The following HIP1 variants were observed in gnomAD, a reference collection of about 807,000 sequenced individuals.
The protein encoded by HIP1 is huntingtin interacting protein 1, also known as huntingtin-interacting protein 1.
In HIP1, 65 loss-of-function variants were observed where a neutral mutation model predicts 147.6. The ratio of observed to expected loss-of-function variants is 0.44; its 90% CI spans 0.36 to 0.54. The LOEUF (loss-of-function observed/expected upper bound fraction) is 0.54, where lower values mean the gene tolerates loss of function less well. Ranked by LOEUF, HIP1 falls within the 20% of genes least tolerant of loss-of-function variation. The pLI, the probability that HIP1 is intolerant of heterozygous loss-of-function variation, is 0.00. For synonymous variants in HIP1, 479 were observed against 504.0 expected (o/e 0.95, Z 0.67); for missense variants, 1,061 against 1,299.6 (o/e 0.82, Z 2.82).
At chr7:75,639,338 G>T (rs1554510114) in intron 1 of HIP1, 2 of 333,254 alleles carry the variant, frequency 6.0e-6, no homozygotes, top group Non-Finnish European at 4.3e-6. Context: ...CGGCCCCGCC[G>T]GCAGAGACCG....
chr7:75,706,528 T>C (rs1554519764), intron 1 of HIP1, among the ~76,000 whole-genome samples: 1 of 146,544 alleles, frequency 6.8e-6, no homozygotes, highest in Non-Finnish European at 1.5e-5. Flanking sequence ...TTTATTTTAT[T>C]ATACTTCAAG....
At chr7:75,675,101 T>C (rs1799851765) in intron 1 of HIP1, among the ~76,000 whole-genome samples, 1 of 152,148 alleles carries the variant, frequency 6.6e-6, no homozygotes, top group South Asian at 2.1e-4. Flanking sequence ...CCGCAGGTCA[T>C]TAATCTTCAT....
intron 14 of HIP1, among the ~76,000 whole-genome samples, chr7:75,559,221 C>T (rs587764063): frequency 9.9e-5 from 15 of 152,212 alleles, no homozygotes; most frequent in African/African-American, 3.4e-4. Context: ...CTCAAGCGAT[C>T]CTCCTGTCTC....
chr7:75,537,754 A>AAAAG lies in HIP1; in HGVS notation c.*414_*417dup, dbSNP rs1254391830. The AAAAG allele has an allele frequency of 3.9e-6, 1 of 257,796 alleles. No homozygotes were observed. Among genetic ancestry groups the AAAAG allele is most frequent in the Non-Finnish European group, 7.5e-6 (1 of 133,324 alleles). 16.0% of individuals were successfully genotyped at this position (257,796 alleles called of 1,614,324 possible). On this transcript the variant is annotated 3_prime_UTR_variant, in exon 31 of 31. Transcript: ENST00000336926. The stretch of plus-strand genomic sequence containing the variant: ...AAAGACTGAGAAGAAAACAGAAAAG[A>AAAAG]AAAGGCATAAGATCTTCCCTTTCCA...
At chr7:75,725,091 T>C (rs1202865968) in intron 1 of HIP1, among the ~76,000 whole-genome samples, 1 of 152,026 alleles carries the variant, frequency 6.6e-6, no homozygotes, top group Non-Finnish European at 1.5e-5. Context: ...GGTGGTGCCA[T>C]CATAGCTCAC....
intron 1 of HIP1, among the ~76,000 whole-genome samples, chr7:75,720,406 C>A (rs1554521156): frequency 6.6e-6 from 1 of 151,944 alleles, no homozygotes; most frequent in Non-Finnish European, 1.5e-5. Context: ...AGTGATCTGC[C>A]CGCGTTGGCC....
In HIP1 at chr7:75,556,725, C is replaced by T. The variant is rs782733090; in HGVS notation, c.1668G>A (p.Leu556=). Reference sequence around the variant, plus strand: ...AGGTATTTACCTGGGCAGAAGTTTCCAGGCTGCCTTGCAGAACCTGAAGCT... The same window carrying T: ...AGGTATTTACCTGGGCAGAAGTTTCTAGGCTGCCTTGCAGAACCTGAAGCT... ...QRELQVLQGS[L]ETSAQSEANW... Residue 556 remains leucine, a synonymous_variant, in exon 17 of 31, where the codon CTG becomes CTA. Transcript: ENST00000336926. 3.7e-6 allele frequency: 6 copies of T among 1,610,980 alleles called. No homozygotes were observed. The highest frequency in any genetic ancestry group is 5.1e-6 in the Non-Finnish European group (6 of 1,177,486).
chr7:75,661,011 G>T (rs1437223140), intron 1 of HIP1, among the ~76,000 whole-genome samples: 7 of 152,126 alleles, frequency 4.6e-5, no homozygotes, highest in Admixed American at 4.6e-4. Flanking sequence ...CGGCGTGGTG[G>T]CTCACGCCTG....
At chr7:75,623,658 G>A (rs1239321232) in intron 1 of HIP1, among the ~76,000 whole-genome samples, 1 of 152,214 alleles carries the variant, frequency 6.6e-6, no homozygotes, top group Non-Finnish European at 1.5e-5. Context: ...AGTGGCACTT[G>A]GAGAAAGGAA....
At chr7:75,674,397 T>C (rs1221257716) in intron 1 of HIP1, among the ~76,000 whole-genome samples, 3 of 152,226 alleles carry the variant, frequency 2.0e-5, no homozygotes, top group Non-Finnish European at 4.4e-5. Flanking sequence ...CACTCATTTT[T>C]GAAGGATAGT....
At position 75,719,726 on chromosome 7, in the gene HIP1, G is replaced by A. The variant is rs572592784; in HGVS notation, c.120+19075C>T. On this transcript the variant is annotated intron_variant, in intron 1 of 30. Coordinates refer to ENST00000336926, the MANE Select transcript of HIP1 (RefSeq NM_005338.7). ...TGAGCCACCACGCCTGGCCCTCCAC[G>A]CTCTTTTAATGGATCTCTACTGAAT... 3.9e-4 allele frequency among the ~76,000 whole-genome samples: 59 copies of A among 152,020 alleles called. No individual in the cohort carries two copies. The East Asian group carries it at 9.1e-3, about 24-fold the overall frequency.
At chr7:75,669,611 A>T (rs955516276) in intron 1 of HIP1, among the ~76,000 whole-genome samples, 1 of 151,828 alleles carries the variant, frequency 6.6e-6, no homozygotes, top group Admixed American at 6.6e-5. Flanking sequence ...GTTAGTAGTC[A>T]CTCTGTATTC....
intron 1 of HIP1, among the ~76,000 whole-genome samples, chr7:75,668,074 C>A (rs1184769550): frequency 1.4e-5 from 2 of 144,618 alleles, no homozygotes; most frequent in African/African-American, 5.3e-5. Flanking sequence ...CAGGGCTCCA[C>A]GATTTTCCTA....
At chr7:75,589,313 A>AG (rs1554500214) in intron 4 of HIP1, among the ~76,000 whole-genome samples, 7 of 152,124 alleles carry the variant, frequency 4.6e-5, no homozygotes, top group Non-Finnish European at 8.8e-5. Flanking sequence ...CAGCAAAGAC[A>AG]AATAGGTAGA....
chr7:75,653,974 G>A lies in HIP1; in HGVS notation c.121-54727C>T, dbSNP rs569294359. Among the ~76,000 whole-genome samples, 19 of 152,286 alleles carry A rather than the reference G, an allele frequency of 1.2e-4. No homozygotes were observed. In the East Asian group the frequency reaches 2.5e-3, roughly 20 times the overall value. ...GGGCACACAAGGTCTCTGCAGTCTC[G>A]AAAACTAGTGGGCACCTCTGGCTTT... On this transcript the variant is annotated intron_variant, in intron 1 of 30. Coordinates refer to ENST00000336926, the MANE Select transcript of HIP1 (RefSeq NM_005338.7).
At chr7:75,577,672 T>A in intron 7 of HIP1, among the ~76,000 whole-genome samples, 1 of 152,164 alleles carries the variant, frequency 6.6e-6, no homozygotes, top group East Asian at 1.9e-4. Flanking sequence ...TAGGTCAGCA[T>A]CTCGTGGTAA....
intron 1 of HIP1, among the ~76,000 whole-genome samples, chr7:75,622,362 A>G (rs1474582582): frequency 1.3e-5 from 2 of 151,988 alleles, no homozygotes; most frequent in Non-Finnish European, 2.9e-5. Context: ...GTGAGTGCAG[A>G]TGAGATGTCT....
chr7:75,681,270 C>T (rs1224505377), intron 1 of HIP1, among the ~76,000 whole-genome samples: 2 of 152,094 alleles, frequency 1.3e-5, no homozygotes, highest in African/African-American at 4.8e-5. Flanking sequence ...CCCTAATCCC[C>T]TTCTTGTCAA....
intron 1 of HIP1, among the ~76,000 whole-genome samples, chr7:75,679,773 T>G (rs1800006814): frequency 6.6e-6 from 1 of 152,068 alleles, no homozygotes; most frequent in African/African-American, 2.4e-5. Flanking sequence ...CCCTTGGTGG[T>G]CTCCAACAGC....
Sources: allele counts gnomAD v4.1 joint callset (sites outside exome capture counted in the v4.1 genomes callset), GRCh38; gene constraint gnomAD v4.1.1; transcripts MANE v1.5; gene names NCBI Gene and HGNC (gene_info 2026-07-23, HGNC 2026-07-21).